Variants in RPS6KA2 observed in about 807,000 individuals in gnomAD.
RPS6KA2 encodes ribosomal protein S6 kinase alpha-2.
In RPS6KA2, 42 loss-of-function variants were observed where a neutral mutation model predicts 91.8. The ratio of observed to expected loss-of-function variants is 0.46; its 90% CI spans 0.36 to 0.59. The LOEUF is 0.59. Among genes scored for constraint, RPS6KA2 ranks in the 20% least tolerant of loss-of-function variants. The pLI is 0.00. For missense variants in RPS6KA2, 798 were observed against 978.5 expected, an observed-to-expected ratio of 0.82 and a Z score of 2.46; for synonymous variants, 414 against 393.6, an observed-to-expected ratio of 1.05 and a Z score of -0.61.
intron 3 of RPS6KA2, among the ~76,000 whole-genome samples, chr6:166,512,382 G>A (rs937848944): frequency 2.0e-5 from 3 of 152,176 alleles, no homozygotes; most frequent in Non-Finnish European, 4.4e-5. Flanking sequence ...TAACATTGGT[G>A]AGGACAACAT....
chr6:166,824,845 G>C (rs1295021854), intron 2 of RPS6KA2, among the ~76,000 whole-genome samples: 1 of 151,724 alleles, frequency 6.6e-6, no homozygotes, highest in African/African-American at 2.4e-5. Flanking sequence ...GTGTATGCTT[G>C]TGTGTGTATC....
chr6:166,417,620 TACACAC>T lies in RPS6KA2; in HGVS notation c.1938+599_1938+604del, dbSNP rs10568123. ...TCTTACAAATAAATCTCTCTCTCTA[TACACAC>T]ACACACACACACACACACACACACA... On this transcript the variant is annotated intron_variant, in intron 19 of 20. Transcript: ENST00000265678. Among the ~76,000 whole-genome samples, 503 of 148,554 alleles carry T rather than the reference TACACAC, an allele frequency of 3.4e-3. 1 individual carries two copies. Among genetic ancestry groups the T allele is most frequent in the Middle Eastern group, 0.011 (3 of 280 alleles).
rs796158817 is a variant in RPS6KA2 at position 166,454,033 on chromosome 6, T to C, written c.1076-2800A>G. Among the ~76,000 whole-genome samples, 8 of 152,168 alleles carry C rather than the reference T, an allele frequency of 5.3e-5. 1 individual carries two copies. Among genetic ancestry groups the C allele is most frequent in the African/African-American group, 1.9e-4 (8 of 41,488 alleles). On this transcript the variant is annotated intron_variant, in intron 12 of 20. Transcript: ENST00000265678. The stretch of plus-strand genomic sequence containing the variant: ...GTCTGCATGTGGATGTCGAGTGTGG[T>C]GGGATAGAGAATGGAGACGTGGAAG...
Position 166,461,911 on chromosome 6 carries a change from A to G in RPS6KA2, c.973-2360T>C, listed in dbSNP as rs1009798354. On this transcript the variant is annotated intron_variant, in intron 11 of 20. Transcript: ENST00000265678. Reference sequence around the variant, plus strand: ...AAACCATCCCCAGAGCCTGGTGCCCAGTGCTTCTTCATAGAGGGGTTTTGC... The same window carrying G: ...AAACCATCCCCAGAGCCTGGTGCCCGGTGCTTCTTCATAGAGGGGTTTTGC... 4.0e-5 allele frequency among the ~76,000 whole-genome samples: 6 copies of G among 151,744 alleles called. No individual in the cohort carries two copies. The South Asian group carries it at 1.3e-3, about 32-fold the overall frequency.
In RPS6KA2 at chr6:166,726,797, G is replaced by A. The variant is rs1006329853; in HGVS notation, c.123+131403C>T. ...ACACGGCAACAACTCTAGGTGAGGAGTGTTTGGCAGATGAAACCCCTCCAC... is the reference window on the plus strand; with the variant it reads ...ACACGGCAACAACTCTAGGTGAGGAATGTTTGGCAGATGAAACCCCTCCAC... On this transcript the variant is annotated intron_variant, in intron 2 of 21. Transcript: ENST00000503859. The surrounding 1 kb of genome is among the most constrained non-coding windows in gnomAD (Gnocchi z 4.4). Among the ~76,000 whole-genome samples, 1 of 152,196 alleles carries A rather than the reference G, an allele frequency of 6.6e-6. No individual in the cohort carries two copies. Among genetic ancestry groups the A allele is most frequent in the South Asian group, 2.1e-4 (1 of 4,830 alleles).
rs150387942 is a variant in RPS6KA2 at position 166,492,233 on chromosome 6, C to T, written c.748-1492G>A. 6.9e-3 allele frequency among the ~76,000 whole-genome samples: 1,054 copies of T among 152,146 alleles called. 5 individuals carry two copies. Among genetic ancestry groups the T allele is most frequent in the Middle Eastern group, 0.01 (3 of 294 alleles). The stretch of plus-strand genomic sequence containing the variant: ...GTCACATTAAAATGTGCTGTCCATC[C>T]GGTGCACAGAGTAAGTGAGGGAACT... On this transcript the variant is annotated intron_variant, in intron 8 of 20. Transcript: ENST00000265678.
rs537110859 is a variant in RPS6KA2 at position 166,689,589 on chromosome 6, T to C, written c.124-150805A>G. On this transcript the variant is annotated intron_variant, in intron 2 of 21. Coordinates refer to the RPS6KA2 transcript ENST00000503859. ...TGGATTCGTAGGTGTTGGGCTCTGCTGGCCCTGTGGTCAGAGGTGATACCC... is the reference window on the plus strand; with the variant it reads ...TGGATTCGTAGGTGTTGGGCTCTGCCGGCCCTGTGGTCAGAGGTGATACCC... Among the ~76,000 whole-genome samples, 10 of 152,334 alleles carry C rather than the reference T, an allele frequency of 6.6e-5. 1 individual carries two copies. The South Asian group carries it at 2.1e-3, about 32-fold the overall frequency.
intron 8 of RPS6KA2, among the ~76,000 whole-genome samples, chr6:166,498,206 A>C (rs16899009): frequency 0.026 from 3,967 of 152,336 alleles, 162 homozygotes; most frequent in African/African-American, 0.089. Context: ...TAACTCGAAA[A>C]TCATGGCATC....
intron 6 of RPS6KA2, among the ~76,000 whole-genome samples, chr6:166,503,074 T>C (rs1437563408): frequency 6.6e-6 from 1 of 152,258 alleles, no homozygotes; most frequent in African/African-American, 2.4e-5. Flanking sequence ...ATTTATAGAA[T>C]ATTTTAAATA....
intron 6 of RPS6KA2, among the ~76,000 whole-genome samples, chr6:166,504,111 C>G (rs1229322589): frequency 6.6e-6 from 1 of 152,218 alleles, no homozygotes; most frequent in East Asian, 1.9e-4. Flanking sequence ...AGAAACTGCC[C>G]TGGAGGCAGC....
At chr6:166,815,831 G>GT (rs1367495639) in intron 2 of RPS6KA2, among the ~76,000 whole-genome samples, 3 of 152,318 alleles carry the variant, frequency 2.0e-5, no homozygotes, top group African/African-American at 2.4e-5. Context: ...GCGGACAGAG[G>GT]TTTTTGCCGT....
At chr6:166,843,223 C>A (rs1383639423) in intron 2 of RPS6KA2, among the ~76,000 whole-genome samples, 1 of 152,222 alleles carries the variant, frequency 6.6e-6, no homozygotes, top group Non-Finnish European at 1.5e-5. Flanking sequence ...CCACACCAAA[C>A]CCTGCTCAAG....
intron 4 of RPS6KA2, among the ~76,000 whole-genome samples, chr6:166,509,638 G>A (rs1295553884): frequency 6.6e-6 from 1 of 152,190 alleles, no homozygotes; most frequent in Non-Finnish European, 1.5e-5. Flanking sequence ...AGGTGGGAAA[G>A]TTTAATGTAA....
chr6:166,420,040 C>G (rs73267301), intron 17 of RPS6KA2, 82 bp from the exon 18 acceptor site: 1 of 1,331,422 alleles, frequency 7.5e-7, no homozygotes, highest in African/African-American at 1.4e-5. Flanking sequence ...CGGCATCCTA[C>G]GCCGGCAAGC....
intron 2 of RPS6KA2, among the ~76,000 whole-genome samples, chr6:166,806,806 A>AT (rs61240959): frequency 0.27 from 40,558 of 152,036 alleles, 5,917 homozygotes; most frequent in African/African-American, 0.38. Flanking sequence ...TTAAAAAAAA[A>AT]ATTAGTTTAT....
intron 3 of RPS6KA2, among the ~76,000 whole-genome samples, chr6:166,514,430 G>A (rs1216208614): frequency 6.6e-6 from 1 of 152,170 alleles, no homozygotes; most frequent in Non-Finnish European, 1.5e-5. Context: ...CACAGAGGAG[G>A]GGCTAAGCCT....
chr6:166,508,299 C>A lies in RPS6KA2; in HGVS notation c.380-17G>T, dbSNP rs1369773524. ...TCTGAAAGGCTGTGGGGGACAGAGA[C>A]CCGCATTTTGACAGCTTGTCGAATG... is the stretch of plus-strand genomic sequence containing the variant. On this transcript the variant is annotated splice_polypyrimidine_tract_variant and intron_variant, in intron 4 of 20. Transcript: ENST00000265678. This position sits in a 1 kb window ranked among gnomAD's most constrained non-coding sequence, Gnocchi z 4.3. 6.4e-7 allele frequency: 1 copy of A among 1,566,852 alleles called. No homozygotes were observed. The highest frequency in any genetic ancestry group is 8.8e-7 in the Non-Finnish European group (1 of 1,137,310).
chr6:166,839,694 GGAGGAGAGGA>G (rs752856342), intron 2 of RPS6KA2, among the ~76,000 whole-genome samples: 1 of 6,254 alleles, frequency 1.6e-4, no homozygotes, highest in Non-Finnish European at 4.1e-4. Context: ...AGAGGAGAGG[GGAGGAGAGGA>G]GAGGAGAGGA....
At position 166,849,561 on chromosome 6, in the gene RPS6KA2, C is replaced by G. The variant is rs1301496330; in HGVS notation, c.123+8639G>C. On this transcript the variant is annotated intron_variant, in intron 2 of 21. Transcript: ENST00000503859. The surrounding 1 kb of genome is among the most constrained non-coding windows in gnomAD (Gnocchi z 4.9). ...ACGCGTGTAGCTGACAGTGGAGGAC[C>G]CCAGGCCACCCCCGCCCGTGGAAAT... 6.6e-6 allele frequency among the ~76,000 whole-genome samples: 1 copy of G among 152,086 alleles called. No individual in the cohort carries two copies. The highest frequency in any genetic ancestry group is 1.5e-5 in the Non-Finnish European group (1 of 68,018).
Sources: allele counts gnomAD v4.1 joint callset (sites outside exome capture counted in the v4.1 genomes callset), GRCh38; gene constraint gnomAD v4.1.1; non-coding constraint Gnocchi (gnomAD v3.1); transcripts MANE v1.5; gene names NCBI Gene and HGNC (gene_info 2026-07-23, HGNC 2026-07-21).